CADM2: variants seen among roughly 807,000 people sequenced by gnomAD.
CADM2 encodes the protein cell adhesion molecule 2.
A neutral mutation model predicts 49.8 loss-of-function variants in CADM2; 12 were observed. The ratio of observed to expected loss-of-function variants is 0.24; its 90% CI spans 0.15 to 0.39. The LOEUF (loss-of-function observed/expected upper bound fraction) is 0.39. Among genes scored for constraint, CADM2 ranks in the 10% least tolerant of loss-of-function variants. CADM2 has a pLI of 1.00. For synonymous variants in CADM2, 214 were observed against 175.4 expected, an observed-to-expected ratio of 1.22 and a Z score of -1.74; for missense variants, 378 against 492.3, an observed-to-expected ratio of 0.77 and a Z score of 2.20.
At chr3:85,923,356 A>T (rs543109914) in intron 6 of CADM2, among the ~76,000 whole-genome samples, 1 of 152,152 alleles carries the variant, frequency 6.6e-6, no homozygotes, top group Non-Finnish European at 1.5e-5. Flanking sequence ...GAATTTATCT[A>T]GAGTATCAAA....
chr3:85,500,753 G>A (rs946299979), intron 1 of CADM2, among the ~76,000 whole-genome samples: 2 of 152,016 alleles, frequency 1.3e-5, no homozygotes, highest in African/African-American at 4.8e-5. Flanking sequence ...TCCTGACCTC[G>A]TGATCCGCTT....
chr3:85,926,817 A>G (rs1719941937), intron 6 of CADM2, among the ~76,000 whole-genome samples: 1 of 152,234 alleles, frequency 6.6e-6, no homozygotes, highest in Non-Finnish European at 1.5e-5. Context: ...TGCAGATCAT[A>G]TAGAGCCAAA....
chr3:85,564,228 T>C (rs1375549), intron 1 of CADM2, among the ~76,000 whole-genome samples: 77,688 of 151,414 alleles, frequency 0.51, 22,963 homozygotes, highest in East Asian at 0.85. Context: ...AAAATACACG[T>C]AACATAAAAT....
intron 1 of CADM2, among the ~76,000 whole-genome samples, chr3:85,056,753 TCTC>T (rs2036094019): frequency 6.6e-6 from 1 of 152,150 alleles, no homozygotes; most frequent in East Asian, 1.9e-4. Flanking sequence ...TTTAATTACT[TCTC>T]ATCTTCTGTA....
intron 6 of CADM2, among the ~76,000 whole-genome samples, chr3:85,928,307 T>C (rs1244565556): frequency 1.3e-5 from 2 of 151,996 alleles, no homozygotes; most frequent in East Asian, 3.9e-4. Context: ...TACAGGCGCA[T>C]GCCATCATGC....
At chr3:85,241,607 A>G (rs2042530663) in intron 1 of CADM2, among the ~76,000 whole-genome samples, 1 of 151,648 alleles carries the variant, frequency 6.6e-6, no homozygotes, top group Non-Finnish European at 1.5e-5. Context: ...TCAAAAAAAC[A>G]TAATAGGTAA....
intron 1 of CADM2, among the ~76,000 whole-genome samples, chr3:85,697,937 AGCATTGGAGAGCT>A (rs2107699731): frequency 6.6e-6 from 1 of 152,336 alleles, no homozygotes; most frequent in South Asian, 2.1e-4. Flanking sequence ...GAAATAAGGA[AGCATTGGAGAGCT>A]GCATTTACCC....
intron 1 of CADM2, among the ~76,000 whole-genome samples, chr3:85,586,693 A>G (rs1033399418): frequency 1.3e-5 from 2 of 152,130 alleles, no homozygotes; most frequent in Non-Finnish European, 2.9e-5. Flanking sequence ...GGTTTTTACC[A>G]TTCCTTTTAA....
intron 8 of CADM2, chr3:86,013,354 T>A (rs1731795015): frequency 3.2e-6 from 5 of 1,541,312 alleles, no homozygotes; most frequent in Non-Finnish European, 4.5e-6. Flanking sequence ...CTATTTGAAT[T>A]ATTGATTCTG....
chr3:86,044,482 A>G (rs954487521), intron 8 of CADM2, among the ~76,000 whole-genome samples: 2 of 152,266 alleles, frequency 1.3e-5, no homozygotes, highest in African/African-American at 4.8e-5. Flanking sequence ...ACTGGCCATC[A>G]GAAAAATGCA....
intron 1 of CADM2, among the ~76,000 whole-genome samples, chr3:85,237,668 A>G (rs1488586242): frequency 6.6e-6 from 1 of 151,640 alleles, no homozygotes; most frequent in Non-Finnish European, 1.5e-5. Flanking sequence ...AATTCTTCAT[A>G]TTTTCTTTTT....
chr3:85,407,841 GCAAACAAA>G (rs982325135), intron 1 of CADM2, among the ~76,000 whole-genome samples: 1 of 151,454 alleles, frequency 6.6e-6, no homozygotes, highest in African/African-American at 2.4e-5. Flanking sequence ...ACAAAACAAA[GCAAACAAA>G]CAAACAAAAA....
intron 3 of CADM2, among the ~76,000 whole-genome samples, chr3:85,831,505 C>G (rs1413480989): frequency 6.6e-6 from 1 of 151,944 alleles, no homozygotes; most frequent in Non-Finnish European, 1.5e-5. Context: ...TATTTTTTGA[C>G]TTTTTAATAC....
chr3:85,133,851 C>T (rs1213449848), intron 1 of CADM2, among the ~76,000 whole-genome samples: 2 of 152,220 alleles, frequency 1.3e-5, no homozygotes, highest in Non-Finnish European at 2.9e-5. Flanking sequence ...AGTCCCGCGC[C>T]GTGCGCCCGC....
At chr3:84,978,231 T>G (rs1190971483) in intron 1 of CADM2, among the ~76,000 whole-genome samples, 1 of 152,184 alleles carries the variant, frequency 6.6e-6, no homozygotes, top group Admixed American at 6.6e-5. Flanking sequence ...TTTTCTTTAC[T>G]AGTTGATAAG....
chr3:85,988,949 A>G (rs1292445251), intron 8 of CADM2, among the ~76,000 whole-genome samples: 1 of 152,216 alleles, frequency 6.6e-6, no homozygotes, highest in Non-Finnish European at 1.5e-5. Flanking sequence ...TGTGTTTTCA[A>G]AAACATTTAA....
rs1000950269 is a variant in CADM2 at position 85,934,890 on chromosome 3, T to A, written c.701-877T>A. On this transcript the variant is annotated intron_variant, in intron 6 of 9. Coordinates refer to ENST00000383699, the MANE Select transcript of CADM2 (RefSeq NM_001167675.2). The stretch of plus-strand genomic sequence containing the variant: ...AGCCTATTTTGTTTATTGTAGAGAA[T>A]GTGAAGATAAGAGGAGAAGACAATT... Among the ~76,000 whole-genome samples, 6 of 151,988 alleles carry A rather than the reference T, an allele frequency of 3.9e-5. No individual in the cohort carries two copies. In the Admixed American group the frequency reaches 3.9e-4, roughly 10 times the overall value.
intron 1 of CADM2, among the ~76,000 whole-genome samples, chr3:85,718,973 C>T (rs1282208267): frequency 6.6e-6 from 1 of 150,592 alleles, no homozygotes; most frequent in Non-Finnish European, 1.5e-5. Context: ...AGTGCAGTGG[C>T]ACAATCTCAG....
intron 1 of CADM2, among the ~76,000 whole-genome samples, chr3:85,688,193 G>A (rs2066271934): frequency 6.6e-6 from 1 of 152,116 alleles, no homozygotes; most frequent in South Asian, 2.1e-4. Flanking sequence ...ATACAACATA[G>A]TGAATTATGG....
Sources: allele counts gnomAD v4.1 joint callset (sites outside exome capture counted in the v4.1 genomes callset), GRCh38; gene constraint gnomAD v4.1.1; transcripts MANE v1.5; gene names NCBI Gene and HGNC (gene_info 2026-07-23, HGNC 2026-07-21).